LPAR3: variants seen among roughly 807,000 people sequenced by gnomAD.
The protein encoded by LPAR3 is lysophosphatidic acid receptor 3.
A neutral mutation model predicts 17.8 loss-of-function variants in LPAR3; 7 were observed. The ratio of observed to expected loss-of-function variants is 0.39; its 90% CI spans 0.22 to 0.74. The LOEUF (loss-of-function observed/expected upper bound fraction) is 0.74. LPAR3 is among the 30% of genes least tolerant of loss of function. LPAR3 has a pLI of 0.40. For synonymous variants in LPAR3, 179 were observed against 179.9 expected (o/e 0.99, Z 0.04); for missense variants, 391 against 453.4 (o/e 0.86, Z 1.25).
intron 1 of LPAR3, among the ~76,000 whole-genome samples, chr1:84,879,679 G>T (rs1373209451): frequency 2.0e-5 from 3 of 152,140 alleles, no homozygotes; most frequent in Non-Finnish European, 4.4e-5. Flanking sequence ...TGTACACTCG[G>T]TTTTCCAGCC....
chr1:84,851,398 A>G (rs1033857140), intron 2 of LPAR3, among the ~76,000 whole-genome samples: 1 of 152,018 alleles, frequency 6.6e-6, no homozygotes, highest in African/African-American at 2.4e-5. Flanking sequence ...TTGGCTCATT[A>G]TATAAACATT....
At chr1:84,891,160 T>TTAAA (rs1553150630) in intron 1 of LPAR3, among the ~76,000 whole-genome samples, 2 of 144,564 alleles carry the variant, frequency 1.4e-5, no homozygotes, top group African/African-American at 5.1e-5. Flanking sequence ...TCTGATCTGA[T>TTAAA]AAAAAAAAAA....
At chr1:84,864,068 C>T (rs762652008) in intron 2 of LPAR3, among the ~76,000 whole-genome samples, 3 of 151,952 alleles carry the variant, frequency 2.0e-5, no homozygotes, top group Non-Finnish European at 4.4e-5. Context: ...AAAAATTAGC[C>T]GGGCCTGGTG....
At chr1:84,815,128 C>T (rs1658907569) in intron 2 of LPAR3, among the ~76,000 whole-genome samples, 1 of 152,114 alleles carries the variant, frequency 6.6e-6, no homozygotes, top group Non-Finnish European at 1.5e-5. Flanking sequence ...TTATTATTAT[C>T]CCCAGGAAAC....
intron 2 of LPAR3, among the ~76,000 whole-genome samples, chr1:84,852,239 C>T (rs1017405396): frequency 5.3e-5 from 8 of 151,914 alleles, no homozygotes; most frequent in East Asian, 1.9e-4. Context: ...TGCACCACCA[C>T]GCCTGGCTAA....
Position 84,813,146 on chromosome 1 carries a change from T to TAGAGAGAGAG in LPAR3, c.*699_*700insCTCTCTCTCT, listed in dbSNP as rs376924915. On this transcript the variant is annotated 3_prime_UTR_variant, in exon 3 of 3. Transcript: ENST00000370611. ...ACAGGAATATATATATATATATATA[T>TAGAGAGAGAG]ATATATATATATAGACACACACACA... 94 of 109,146 alleles carry TAGAGAGAGAG rather than the reference T, an allele frequency of 8.6e-4. 1 individual carries two copies. The highest frequency in any genetic ancestry group is 1.4e-3 in the Non-Finnish European group (76 of 53,320). 6.8% of individuals were successfully genotyped at this position (109,146 alleles called of 1,614,324 possible).
chr1:84,841,603 A>C (rs1659506375), intron 2 of LPAR3, among the ~76,000 whole-genome samples: 1 of 152,210 alleles, frequency 6.6e-6, no homozygotes, highest in Non-Finnish European at 1.5e-5. Flanking sequence ...TAAATAAACA[A>C]AATAGACATC....
At chr1:84,876,830 A>C (rs1345994636) in intron 1 of LPAR3, among the ~76,000 whole-genome samples, 2 of 152,172 alleles carry the variant, frequency 1.3e-5, no homozygotes, top group African/African-American at 2.4e-5. Context: ...AACAACTCTC[A>C]GAGAAAGAAA....
intron 2 of LPAR3, among the ~76,000 whole-genome samples, chr1:84,846,735 CA>C (rs1221554378): frequency 1.3e-5 from 2 of 151,982 alleles, no homozygotes; most frequent in African/African-American, 2.4e-5. Context: ...TGTGTCAGAG[CA>C]AATAAGATCT....
At chr1:84,881,651 T>C (rs1660366592) in intron 1 of LPAR3, among the ~76,000 whole-genome samples, 1 of 152,160 alleles carries the variant, frequency 6.6e-6, no homozygotes, top group African/African-American at 2.4e-5. Context: ...TCCCCCTGCC[T>C]GAGTATGGGC....
rs187261258 is a variant in LPAR3 at position 84,836,211 on chromosome 1, G to A, written c.737-22040C>T. Among the ~76,000 whole-genome samples, 8 of 151,154 alleles carry A rather than the reference G, an allele frequency of 5.3e-5. No individual in the cohort carries two copies. The East Asian group carries it at 1.4e-3, about 26-fold the overall frequency. ...AAATTGGCTGGGCATGGTGGCACAC[G>A]CCTGTAGTTCCAGCTACTCAGGAGG... On this transcript the variant is annotated intron_variant, in intron 2 of 2. Transcript: ENST00000370611.
chr1:84,845,667 T>C (rs528107637), intron 2 of LPAR3, among the ~76,000 whole-genome samples: 2 of 152,302 alleles, frequency 1.3e-5, no homozygotes, highest in East Asian at 1.9e-4. Context: ...CAAACCTTTT[T>C]ATGCACTCCA....
intron 2 of LPAR3, among the ~76,000 whole-genome samples, chr1:84,844,159 A>C (rs1193459612): frequency 6.6e-6 from 1 of 152,230 alleles, no homozygotes; most frequent in African/African-American, 2.4e-5. Context: ...CAAATGTTAT[A>C]TGAATGAATG....
chr1:84,887,969 G>C (rs1660489579), intron 1 of LPAR3, among the ~76,000 whole-genome samples: 1 of 152,126 alleles, frequency 6.6e-6, no homozygotes, highest in Admixed American at 6.5e-5. Flanking sequence ...TTGGATGATA[G>C]TGTTTTGTAT....
intron 2 of LPAR3, among the ~76,000 whole-genome samples, chr1:84,845,519 A>T (rs1659580735): frequency 6.6e-6 from 1 of 152,234 alleles, no homozygotes; most frequent in African/African-American, 2.4e-5. Flanking sequence ...CATGAAAGGG[A>T]CTAGGATTAT....
intron 1 of LPAR3, among the ~76,000 whole-genome samples, chr1:84,879,316 C>CTTTTTTCTTTTTTTTTTTTTTTTTTTTT (rs1553149965): frequency 8.3e-6 from 1 of 120,600 alleles, no homozygotes; most frequent in Admixed American, 8.8e-5. Flanking sequence ...TTTCTTTTTT[C>CTTTTTTCTTTTTTTTTTTTTTTTTTTTT]TTTTTTTTTT....
chr1:84,892,077 G>A (rs988407196), intron 1 of LPAR3, among the ~76,000 whole-genome samples: 1 of 151,970 alleles, frequency 6.6e-6, no homozygotes, highest in African/African-American at 2.4e-5. Context: ...GCCTAGCGTG[G>A]TGGTGGGCGC....
At chr1:84,861,086 T>C (rs1029097843) in intron 2 of LPAR3, among the ~76,000 whole-genome samples, 3 of 152,104 alleles carry the variant, frequency 2.0e-5, no homozygotes, top group Non-Finnish European at 2.9e-5. Flanking sequence ...TATCAAGGAG[T>C]AAATGGAAAT....
intron 2 of LPAR3, among the ~76,000 whole-genome samples, chr1:84,846,994 G>T (rs954420247): frequency 1.3e-5 from 2 of 152,146 alleles, no homozygotes; most frequent in African/African-American, 4.8e-5. Flanking sequence ...GGTTTTACAA[G>T]AAATTATATC....
Sources: gnomAD v4.1 joint callset for allele counts (sites outside exome capture counted in the v4.1 genomes callset) on GRCh38, gnomAD v4.1.1 for gene constraint, MANE v1.5 for transcripts, NCBI Gene and HGNC (gene_info 2026-07-23, HGNC 2026-07-21) for gene names.